CLSTN3: variants seen among roughly 807,000 people sequenced by gnomAD.
CLSTN3 encodes the protein calsyntenin 3, also known as calsyntenin-3.
Under a neutral mutation model 95.9 loss-of-function variants are expected in CLSTN3, and 36 were observed. That is an observed-to-expected ratio of 0.38 (90% confidence interval 0.29 to 0.50). The LOEUF is 0.50. Ranked by LOEUF, CLSTN3 falls within the 20% of genes least tolerant of loss-of-function variation. The probability of loss-of-function intolerance (pLI) is 0.95; values close to 1 mark genes in which losing one functional copy is unlikely to be tolerated. For missense variants in CLSTN3, 1,084 were observed against 1,268.8 expected (o/e 0.85, Z 2.21); for synonymous variants, 481 against 504.0 (o/e 0.95, Z 0.61).
At chr12:7,129,783 A>G (rs1284828432), upstream of CLSTN3, 19 of 985,506 alleles carry the variant, frequency 1.9e-5, no homozygotes, top group African/African-American at 5.2e-5. This position sits in a 1 kb window ranked among gnomAD's most constrained non-coding sequence, Gnocchi z 5.5. Context: ...TTCGGGGCGA[A>G]GGAGGCAGGA....
intron 8 of CLSTN3, among the ~76,000 whole-genome samples, chr12:7,138,335 T>G (rs926300200): frequency 1.3e-5 from 2 of 151,302 alleles, no homozygotes; most frequent in African/African-American, 4.8e-5. Flanking sequence ...ATTTCCTCCT[T>G]GTTTTATTCT....
chr12:7,154,601 G>T (rs925648964), intron 16 of CLSTN3, among the ~76,000 whole-genome samples: 1 of 152,144 alleles, frequency 6.6e-6, no homozygotes, highest in Non-Finnish European at 1.5e-5. Context: ...TTTGATGACT[G>T]CCAGAATCAC....
At chr12:7,154,185 C>A (rs3782922) in intron 16 of CLSTN3, among the ~76,000 whole-genome samples, 9,437 of 152,320 alleles carry the variant, frequency 0.062, 407 homozygotes, top group South Asian at 0.22. Flanking sequence ...TCTGACTCCG[C>A]AAGGTGCTCC....
chr12:7,130,657 CCTG>C lies in CLSTN3; in HGVS notation c.17_19del (p.Leu6del), dbSNP rs1939279894. On this transcript the variant is annotated inframe_deletion, in exon 1 of 18. Coordinates refer to ENST00000266546, the MANE Select transcript of CLSTN3 (RefSeq NM_014718.4). ...CTGCCCCACGCCGCACCATGACCCTCCTGCTGCTGCCCCTTCTGCTGGCCTCTC... is the reference window on the plus strand; with the variant it reads ...CTGCCCCACGCCGCACCATGACCCTCCTGCTGCCCCTTCTGCTGGCCTCTC... 1 of 1,571,136 alleles carries C rather than the reference CCTG, an allele frequency of 6.4e-7. No homozygotes were observed. The highest frequency in any genetic ancestry group is 8.6e-7 in the Non-Finnish European group (1 of 1,157,418).
chr12:7,141,282 A>G lies in CLSTN3; in HGVS notation c.1364A>G (p.Glu455Gly). Residue 455 changes from glutamate (E) to glycine (G), a missense_variant, in exon 9 of 18, where the codon GAG becomes GGG. By Grantham distance (98) the Glu-to-Gly change is moderately conservative. Transcript: ENST00000266546. The surrounding 1 kb of genome is among the most constrained non-coding windows in gnomAD (Gnocchi z 4.1). The stretch of plus-strand genomic sequence containing the variant: ...TGGCACCACTACGCTCTGAACCTCG[A>G]GTTCCCCACAGTCACACTCTATACC... The part of the protein sequence containing the change: ...DEWHHYALNL[E>G]FPTVTLYTDG... 6.2e-7 allele frequency: 1 copy of G among 1,614,144 alleles called. No individual in the cohort carries two copies. Among genetic ancestry groups the G allele is most frequent in the Non-Finnish European group, 8.5e-7 (1 of 1,180,020 alleles).
chr12:7,149,812 C>A lies in CLSTN3; in HGVS notation c.2245+119C>A. On this transcript the variant is annotated intron_variant, in intron 14 of 17. Transcript: ENST00000266546. This position sits in a 1 kb window ranked among gnomAD's most constrained non-coding sequence, Gnocchi z 4.5. ...AGGGATGTGGACAAGTGCCGTTTTG[C>A]ATTTTCCTAGCCTGGAAGATCCTCT... The A allele has an allele frequency of 1.1e-6, 1 of 930,044 alleles. No individual in the cohort carries two copies. Among genetic ancestry groups the A allele is most frequent in the Non-Finnish European group, 1.6e-6 (1 of 629,658 alleles). 57.6% of individuals were successfully genotyped at this position (930,044 alleles called of 1,614,324 possible).
At position 7,142,506 on chromosome 12, in the gene CLSTN3, T is replaced by C. The variant is rs775744878; in HGVS notation, c.1541-363T>C. Among the ~76,000 whole-genome samples the C allele has an allele frequency of 1.8e-4, 28 of 152,124 alleles. No individual in the cohort carries two copies. In the South Asian group the frequency reaches 4.4e-3, roughly 24 times the overall value. On this transcript the variant is annotated intron_variant, in intron 10 of 17. Transcript: ENST00000266546. ...CCTGCATGTCACTGGAAAGACGTTCTCTCCTGCCGCCTCCCCCTCCCTCCT... is the reference window on the plus strand; with the variant it reads ...CCTGCATGTCACTGGAAAGACGTTCCCTCCTGCCGCCTCCCCCTCCCTCCT...
In CLSTN3 at chr12:7,157,746, G is replaced by A. The variant is rs188770306; in HGVS notation, c.2730+55G>A. 1.0e-4 allele frequency: 153 copies of A among 1,531,044 alleles called. No homozygotes were observed. Among genetic ancestry groups the A allele is most frequent in the Non-Finnish European group, 1.3e-4 (146 of 1,132,636 alleles). 94.8% of individuals were successfully genotyped at this position (1,531,044 alleles called of 1,614,324 possible). A position where few individuals can be genotyped will look rare whatever the true frequency, so the allele number is the denominator to read the frequency against. On this transcript the variant is annotated intron_variant, in intron 17 of 17. Coordinates refer to ENST00000266546, the MANE Select transcript of CLSTN3 (RefSeq NM_014718.4). This position sits in a 1 kb window ranked among gnomAD's most constrained non-coding sequence, Gnocchi z 5.9. ...AGGGTCAAGACTGTGGAGCACACAC[G>A]GTGAGGACTCCTGAGGAGGGGCAGG...
intron 16 of CLSTN3, among the ~76,000 whole-genome samples, chr12:7,155,575 C>A (rs747249672): frequency 6.6e-6 from 1 of 152,262 alleles, no homozygotes; most frequent in South Asian, 2.1e-4. Context: ...GAAGGCACTG[C>A]CCCTGGCTCT....
chr12:7,130,478 T>C lies in CLSTN3; in HGVS notation c.-171T>C. On this transcript the variant is annotated 5_prime_UTR_variant, in exon 1 of 18. Coordinates refer to ENST00000266546, the MANE Select transcript of CLSTN3 (RefSeq NM_014718.4). ...CGCCTCAGCTACCCAGATTGGGATC[T>C]GCCCAGGCCCGCTTTATGGACTAGT... The C allele has an allele frequency of 6.7e-7, 1 of 1,500,930 alleles. No individual in the cohort carries two copies. Among genetic ancestry groups the C allele is most frequent in the Non-Finnish European group, 8.9e-7 (1 of 1,126,246 alleles). The allele number at this position is 1,500,930 out of a possible 1,614,324, so 93.0% of individuals were successfully genotyped here.
In CLSTN3 at chr12:7,142,157, A is replaced by G. The variant is rs1287015142; in HGVS notation, c.1540+18A>G. 2 of 1,590,794 alleles carry G rather than the reference A, an allele frequency of 1.3e-6. No individual in the cohort carries two copies. Among genetic ancestry groups the G allele is most frequent in the Admixed American group, 1.7e-5 (1 of 59,340 alleles). On this transcript the variant is annotated intron_variant, in intron 10 of 17. Transcript: ENST00000266546. ...CACCCAAGGTACTCCGTGTGTAAGA[A>G]CTGGAGACCAGAGAGTTCTCATCTT...
intron 6 of CLSTN3, among the ~76,000 whole-genome samples, 171 bp downstream of exon 6, chr12:7,136,562 G>T (rs755961113): frequency 7.2e-5 from 11 of 152,304 alleles, no homozygotes; most frequent in African/African-American, 2.4e-4. Flanking sequence ...TATGTCTTTG[G>T]CAAAGATGCA....
chr12:7,148,939 G>C lies in CLSTN3; in HGVS notation c.1848-33G>C, dbSNP rs1430277094. The C allele has an allele frequency of 3.2e-6, 5 of 1,583,638 alleles. No individual in the cohort carries two copies. The East Asian group carries it at 1.1e-4, about 35-fold the overall frequency. ...GGGTTTTCGGGGAGGAAGTGTTGGG[G>C]TCACATGCTGCTTCTCCTGCTTTCT... On this transcript the variant is annotated intron_variant, in intron 12 of 17. Transcript: ENST00000266546.
chr12:7,138,020 C>G lies in CLSTN3; in HGVS notation c.1276C>G (p.Leu426Val). 6.2e-7 allele frequency: 1 copy of G among 1,613,920 alleles called. No individual in the cohort carries two copies. ...GCRIAFLYWP[L>V]LESARPVKFL... is the part of the protein sequence containing the mutation. The stretch of plus-strand genomic sequence containing the variant: ...TAGGATTGCCTTCCTCTACTGGCCC[C>G]TGCTTGAGAGTGCCCGCCCAGTCAA... The change falls in exon 8 of 18, where the codon CTG becomes GTG. Residue 426 changes from leucine (L) to valine (V), a missense_variant. Transcript: ENST00000266546.
intron 1 of CLSTN3, 138 bp from the exon 2 acceptor site, chr12:7,132,886 C>T (rs73048064): frequency 0.073 from 84,367 of 1,157,582 alleles, 3,733 homozygotes; most frequent in Non-Finnish European, 0.087. Context: ...CAACCACCCG[C>T]CTCCTGTAAG....
rs749178409 is a variant in CLSTN3 at position 7,130,676 on chromosome 12, C to T, written c.28C>T (p.Leu10=). Residue 10 remains leucine, a synonymous_variant, in exon 1 of 18, where the codon CTG becomes TTG. Transcript: ENST00000266546. MTLLLLPLL[L]ASLLASCSCN... ...GACCCTCCTGCTGCTGCCCCTTCTG[C>T]TGGCCTCTCTGCTCGCGTCCTGCTC... 1 of 1,571,504 alleles carries T rather than the reference C, an allele frequency of 6.4e-7. No homozygotes were observed.
At chr12:7,147,791 C>T (rs1939647324) in intron 12 of CLSTN3, among the ~76,000 whole-genome samples, 2 of 152,022 alleles carry the variant, frequency 1.3e-5, no homozygotes, top group African/African-American at 4.8e-5. Context: ...CCAGGATTTA[C>T]AGGCATGAGC....
At chr12:7,144,513 G>A (rs1428682472) in intron 12 of CLSTN3, among the ~76,000 whole-genome samples, 2 of 152,164 alleles carry the variant, frequency 1.3e-5, no homozygotes, top group African/African-American at 4.8e-5. Flanking sequence ...TGGATCAAAT[G>A]CCTAGCAGAG....
upstream of CLSTN3, chr12:7,129,230 G>A (rs1186889925): frequency 4.3e-6 from 1 of 230,390 alleles, no homozygotes. This position sits in a 1 kb window ranked among gnomAD's most constrained non-coding sequence, Gnocchi z 5.5. Context: ...AGACACCTGA[G>A]GCTGGTCTGG....
Sources: gnomAD v4.1 joint callset for allele counts (sites outside exome capture counted in the v4.1 genomes callset) on GRCh38, gnomAD v4.1.1 for gene constraint, Gnocchi (gnomAD v3.1) non-coding constraint, MANE v1.5 for transcripts, NCBI Gene and HGNC (gene_info 2026-07-23, HGNC 2026-07-21) for gene names.